WDPCP: variants seen among roughly 807,000 people sequenced by gnomAD.
WDPCP encodes the protein WD repeat containing planar cell polarity effector.
WDPCP carries 71 observed loss-of-function variants against 93.1 expected under a neutral mutation model. That is an observed-to-expected ratio of 0.76 (90% CI 0.63 to 0.93). The LOEUF (loss-of-function observed/expected upper bound fraction) is 0.93. Ranked by LOEUF, WDPCP falls within the 40% of genes least tolerant of loss-of-function variation. The probability of loss-of-function intolerance (pLI) is 0.00; values close to 1 mark genes in which losing one functional copy is unlikely to be tolerated. For synonymous variants in WDPCP, 315 were observed against 315.0 expected (o/e 1.00, Z 0.00); for missense variants, 844 against 887.4 (o/e 0.95, Z 0.62).
At chr2:63,461,385 C>T (rs904500072) in intron 6 of WDPCP, among the ~76,000 whole-genome samples, 2 of 152,104 alleles carry the variant, frequency 1.3e-5, no homozygotes, top group African/African-American at 2.4e-5. Context: ...TGCTCTAGCT[C>T]CTGCCATGTG....
intron 2 of WDPCP, among the ~76,000 whole-genome samples, chr2:63,695,465 T>C (rs765259646): frequency 6.6e-6 from 1 of 152,172 alleles, no homozygotes; most frequent in Non-Finnish European, 1.5e-5. Flanking sequence ...ATGTCCCATA[T>C]ATTGCATGGG....
At chr2:63,458,073 G>A (rs765334456) in intron 6 of WDPCP, among the ~76,000 whole-genome samples, 18 of 148,938 alleles carry the variant, frequency 1.2e-4, no homozygotes, top group African/African-American at 3.0e-4. Flanking sequence ...GCAGTAAGCC[G>A]AGATCGCACC....
In WDPCP at chr2:63,654,247, A is replaced by T. The variant is rs146146012; in HGVS notation, n.309-3409T>A. On this transcript the variant is annotated intron_variant and non_coding_transcript_variant, in intron 2 of 4. Coordinates refer to the WDPCP transcript ENST00000467687. ...TGCAAAAGAATAAACCATGAAGCTA[A>T]AGAGAAGACAATAAAAATAATCTAA... is the stretch of plus-strand genomic sequence containing the variant. Among the ~76,000 whole-genome samples, 304 of 152,342 alleles carry T rather than the reference A, an allele frequency of 2.0e-3. 1 individual carries two copies. The highest frequency in any genetic ancestry group is 6.8e-3 in the African/African-American group (281 of 41,584).
chr2:63,575,088 G>A (rs1261651147), intron 1 of WDPCP, among the ~76,000 whole-genome samples: 1 of 151,774 alleles, frequency 6.6e-6, no homozygotes. Context: ...ATACATATCT[G>A]TCATCAGTAA....
chr2:63,707,009 T>G (rs950434839), intron 2 of WDPCP, among the ~76,000 whole-genome samples: 1 of 152,234 alleles, frequency 6.6e-6, no homozygotes, highest in Non-Finnish European at 1.5e-5. Flanking sequence ...GTTAGTCTGA[T>G]GGGCTTCCCT....
rs1241361549 is a variant in WDPCP at position 63,631,474 on chromosome 2, T to C, written n.488+19185A>G. ...AAACATAAAAGTGGAACCAATAAAATTGAAAATAGAAAAACAATAGGGAGA... is the reference window on the plus strand; with the variant it reads ...AAACATAAAAGTGGAACCAATAAAACTGAAAATAGAAAAACAATAGGGAGA... On this transcript the variant is annotated intron_variant and non_coding_transcript_variant, in intron 3 of 4. Transcript: ENST00000467687. Among the ~76,000 whole-genome samples, 3 of 151,240 alleles carry C rather than the reference T, an allele frequency of 2.0e-5. No homozygotes were observed. The East Asian group carries it at 5.8e-4, about 29-fold the overall frequency.
rs116025140 is a variant in WDPCP, at chr2:63,636,190, G to A, written n.488+14469C>T. 2.2e-3 allele frequency among the ~76,000 whole-genome samples: 331 copies of A among 152,206 alleles called. 3 individuals carry two copies. Among genetic ancestry groups the A allele is most frequent in the Non-Finnish European group, 3.8e-3 (258 of 67,992 alleles). ...CTCTGTACACTGAAAACTACAAAAC[G>A]TTGACGATGACATTGAAGACATAAA... On this transcript the variant is annotated intron_variant and non_coding_transcript_variant, in intron 3 of 4. Transcript: ENST00000467687.
intron 3 of WDPCP, chr2:63,604,636 G>A: frequency 7.4e-7 from 1 of 1,354,266 alleles, no homozygotes. Flanking sequence ...GTCAAAACAG[G>A]TCCCAATTGG....
intron 9 of WDPCP, among the ~76,000 whole-genome samples, chr2:63,429,781 T>C (rs1178936209): frequency 6.6e-5 from 10 of 152,244 alleles, no homozygotes; most frequent in Middle Eastern, 6.8e-3. Flanking sequence ...GTCTGGAAAT[T>C]TCTCAAAGAA....
At chr2:63,491,969 T>C (rs984736229) in intron 2 of WDPCP, among the ~76,000 whole-genome samples, 2 of 152,230 alleles carry the variant, frequency 1.3e-5, no homozygotes, top group Admixed American at 6.5e-5. Context: ...ATACCTTCTT[T>C]ATTTTTATTC....
intron 2 of WDPCP, among the ~76,000 whole-genome samples, chr2:63,719,210 G>A (rs1669380923): frequency 6.6e-6 from 1 of 152,206 alleles, no homozygotes; most frequent in African/African-American, 2.4e-5. Flanking sequence ...CAAGAGGTGA[G>A]GACAGTATTA....
chr2:63,632,051 G>C (rs1709870301), intron 3 of WDPCP, among the ~76,000 whole-genome samples: 1 of 152,226 alleles, frequency 6.6e-6, no homozygotes, highest in Non-Finnish European at 1.5e-5. Context: ...GAGGACCCCT[G>C]CAATCGTTAC....
intron 6 of WDPCP, among the ~76,000 whole-genome samples, chr2:63,475,302 T>A (rs1430417891): frequency 6.6e-6 from 1 of 152,058 alleles, no homozygotes; most frequent in Non-Finnish European, 1.5e-5. Context: ...TGACTAGGAA[T>A]GTTGTCCTTT....
intron 3 of WDPCP, among the ~76,000 whole-genome samples, chr2:63,636,712 C>A (rs1434998042): frequency 6.6e-6 from 1 of 152,094 alleles, no homozygotes; most frequent in Admixed American, 6.6e-5. Flanking sequence ...ACAATACTGG[C>A]CTAAAAACAG....
chr2:63,838,657 C>A, the WDPCP span, among the ~76,000 whole-genome samples: 2 of 151,862 alleles, frequency 1.3e-5, no homozygotes, highest in Non-Finnish European at 2.9e-5. Context: ...CAACATCATG[C>A]ACCTTGAAGG....
chr2:63,614,482 A>C (rs973103196), intron 3 of WDPCP, among the ~76,000 whole-genome samples: 2 of 152,176 alleles, frequency 1.3e-5, no homozygotes, highest in African/African-American at 4.8e-5. Flanking sequence ...CTCAGAACAC[A>C]ACAGCCCAAG....
chr2:63,215,347 G>T (rs904869128), intron 14 of WDPCP, among the ~76,000 whole-genome samples: 2 of 152,126 alleles, frequency 1.3e-5, no homozygotes, highest in Non-Finnish European at 2.9e-5. Context: ...CATGGTGCTG[G>T]TACCAAAACA....
chr2:63,563,300 A>G (rs1438979006), intron 1 of WDPCP, among the ~76,000 whole-genome samples: 1 of 152,008 alleles, frequency 6.6e-6, no homozygotes, highest in Non-Finnish European at 1.5e-5. Flanking sequence ...AAAATGCCAC[A>G]TATGGAACGT....
At chr2:63,824,792 A>C (rs1671088007) in intron 1 of WDPCP, among the ~76,000 whole-genome samples, 1 of 152,108 alleles carries the variant, frequency 6.6e-6, no homozygotes, top group Admixed American at 6.6e-5. Flanking sequence ...TGTACAATAT[A>C]AATGAGAATC....
Sources: gnomAD v4.1 joint callset for allele counts (sites outside exome capture counted in the v4.1 genomes callset) on GRCh38, gnomAD v4.1.1 for gene constraint, MANE v1.5 for transcripts, NCBI Gene and HGNC (gene_info 2026-07-23, HGNC 2026-07-21) for gene names.